Variants in FAM13A observed in about 807,000 individuals in gnomAD.
FAM13A encodes the protein protein FAM13A.
FAM13A carries 76 observed loss-of-function variants against 129.6 expected under a neutral mutation model. That is an observed-to-expected ratio of 0.59 (90% CI 0.49 to 0.71). The LOEUF is 0.71. Among genes scored for constraint, FAM13A ranks in the 30% least tolerant of loss-of-function variants. The pLI, the probability that FAM13A is intolerant of heterozygous loss-of-function variation, is 0.00. For missense variants in FAM13A, 1,108 were observed against 1,249.3 expected, an observed-to-expected ratio of 0.89 and a Z score of 1.70; for synonymous variants, 443 against 449.9, an observed-to-expected ratio of 0.98 and a Z score of 0.20.
At chr4:88,947,760 AATAGAAT>A (rs1344919534) in intron 4 of FAM13A, among the ~76,000 whole-genome samples, 3 of 151,946 alleles carry the variant, frequency 2.0e-5, no homozygotes, top group Non-Finnish European at 4.4e-5. Flanking sequence ...ACTGCCTGAT[AATAGAAT>A]CCCAAATGCA....
intron 5 of FAM13A, among the ~76,000 whole-genome samples, chr4:88,913,233 AAG>A (rs1749435008): frequency 7.5e-6 from 1 of 133,620 alleles, no homozygotes; most frequent in Non-Finnish European, 1.6e-5. Flanking sequence ...GAAGAGGAAG[AAG>A]AGGAGGAGGA....
chr4:88,866,383 T>C lies in FAM13A; in HGVS notation c.844-15200A>G, dbSNP rs181905858. Reference sequence around the variant, plus strand: ...TTTTAGTAGAGACAGGGTTTTGCCATGTTGGCCAGGCTGGTCTAGAACTCC... The same window carrying C: ...TTTTAGTAGAGACAGGGTTTTGCCACGTTGGCCAGGCTGGTCTAGAACTCC... On this transcript the variant is annotated intron_variant, in intron 6 of 23. Coordinates refer to ENST00000264344, the MANE Select transcript of FAM13A (RefSeq NM_014883.4). Among the ~76,000 whole-genome samples, 1,099 of 151,944 alleles carry C rather than the reference T, an allele frequency of 7.2e-3. 7 individuals carry two copies. Among genetic ancestry groups the C allele is most frequent in the Non-Finnish European group, 0.012 (808 of 67,964 alleles).
At chr4:89,056,109 A>G (rs538857172) in intron 1 of FAM13A, among the ~76,000 whole-genome samples, 1 of 152,342 alleles carries the variant, frequency 6.6e-6, no homozygotes, top group East Asian at 1.9e-4. Flanking sequence ...AATACATTCT[A>G]GAAAATAAAA....
Position 88,991,031 on chromosome 4 carries a change from CAT to C in FAM13A, c.545_546del (p.His182ArgfsTer26), listed in dbSNP as rs1762866516. Reference protein sequence around the residue: ...CQFLTKVAKHHVQNRMNVHNL... With the variant: ...CQFLTKVAKHXVQNRMNVHNL... Reference sequence around the variant, plus strand: ...TTGTGAACATTCATGCGATTCTGCACATGATGCTTGGCTACTTTTGTCAAGAA... The same window carrying C: ...TTGTGAACATTCATGCGATTCTGCACGATGCTTGGCTACTTTTGTCAAGAA... On this transcript the variant is annotated frameshift_variant, in exon 4 of 24. Transcript: ENST00000264344. LOFTEE classifies it high-confidence loss of function. 6.2e-7 allele frequency: 1 copy of C among 1,614,048 alleles called. No individual in the cohort carries two copies. Among genetic ancestry groups the C allele is most frequent in the African/African-American group, 1.3e-5 (1 of 74,918 alleles).
intron 23 of FAM13A, chr4:88,730,158 CAA>C (rs1157245450): frequency 6.6e-6 from 1 of 152,262 alleles, no homozygotes; most frequent in Admixed American, 6.5e-5. Flanking sequence ...AAAGAGGACT[CAA>C]GAGAAACAAT....
intron 3 of FAM13A, among the ~76,000 whole-genome samples, chr4:89,008,709 A>G (rs1765374945): frequency 6.6e-6 from 1 of 152,204 alleles, no homozygotes; most frequent in Non-Finnish European, 1.5e-5. Flanking sequence ...AAATATTTGT[A>G]GGAATAGCTG....
chr4:89,025,297 G>A lies in FAM13A; in HGVS notation c.217+4163C>T, dbSNP rs1406652371. The stretch of plus-strand genomic sequence containing the variant: ...TTTTGAGACGGAGTCTCGCTCTGTC[G>A]CCCAGGCCGGACTGCGGACTGCAGT... On this transcript the variant is annotated intron_variant, in intron 2 of 23. Transcript: ENST00000264344. Among the ~76,000 whole-genome samples the A allele has an allele frequency of 5.0e-5, 6 of 120,914 alleles. No homozygotes were observed. The East Asian group carries it at 6.8e-4, about 14-fold the overall frequency. The allele number at this position is 120,914 out of a possible 152,430, so 79.3% of individuals were successfully genotyped here.
intron 4 of FAM13A, among the ~76,000 whole-genome samples, chr4:88,945,990 G>GTATGTATATA (rs1553901196): frequency 3.2e-5 from 2 of 61,962 alleles, no homozygotes; most frequent in Non-Finnish European, 5.8e-5. Context: ...GTGTGTGTGT[G>GTATGTATATA]TATATATATA....
At chr4:88,992,627 A>C (rs1425885718) in intron 3 of FAM13A, among the ~76,000 whole-genome samples, 2 of 152,166 alleles carry the variant, frequency 1.3e-5, no homozygotes, top group Non-Finnish European at 2.9e-5. Context: ...CCCAGCATAC[A>C]CCCCAAAATG....
At chr4:88,797,035 T>C (rs1285473432) in intron 8 of FAM13A, among the ~76,000 whole-genome samples, 1 of 152,120 alleles carries the variant, frequency 6.6e-6, no homozygotes, top group Non-Finnish European at 1.5e-5. Context: ...GCTTCTATTT[T>C]CCTGTTTATG....
intron 4 of FAM13A, among the ~76,000 whole-genome samples, chr4:88,976,668 G>GTACAGTGTTTATAAAATT (rs147022152): frequency 6.6e-6 from 1 of 150,538 alleles, no homozygotes; most frequent in Non-Finnish European, 1.5e-5. Context: ...TAGCCTAAGT[G>GTACAGTGTTTATAAAATT]TACAGTAGTG....
intron 6 of FAM13A, among the ~76,000 whole-genome samples, chr4:88,853,441 C>T (rs1163516271): frequency 6.6e-6 from 1 of 151,940 alleles, no homozygotes; most frequent in African/African-American, 2.4e-5. Flanking sequence ...AAAATATACG[C>T]TGTTATATAT....
At chr4:88,786,215 A>C (rs1340214945) in intron 10 of FAM13A, among the ~76,000 whole-genome samples, 1 of 152,054 alleles carries the variant, frequency 6.6e-6, no homozygotes, top group Non-Finnish European at 1.5e-5. Context: ...CACCAACAGC[A>C]CCATCACTCT....
intron 14 of FAM13A, among the ~76,000 whole-genome samples, chr4:88,756,613 T>G (rs1333884788): frequency 6.6e-6 from 1 of 152,308 alleles, no homozygotes; most frequent in East Asian, 1.9e-4. Context: ...ATTATGACTT[T>G]CGTTTACATA....
chr4:88,751,540 A>G (rs547411755), intron 14 of FAM13A, among the ~76,000 whole-genome samples: 2 of 152,242 alleles, frequency 1.3e-5, no homozygotes, highest in East Asian at 3.9e-4. Context: ...ATGCATACAT[A>G]AATTAGCCAA....
At chr4:89,026,069 T>TTA (rs1245772196) in intron 2 of FAM13A, among the ~76,000 whole-genome samples, 1 of 152,244 alleles carries the variant, frequency 6.6e-6, no homozygotes, top group Non-Finnish European at 1.5e-5. Context: ...AGAACGTTGA[T>TTA]TATGCCATAA....
intron 3 of FAM13A, among the ~76,000 whole-genome samples, chr4:89,019,661 T>C (rs1766974919): frequency 6.7e-6 from 1 of 149,048 alleles, no homozygotes; most frequent in Non-Finnish European, 1.5e-5. Context: ...CTCAGGAGGC[T>C]GAGGTAGAAG....
chr4:88,769,936 T>C (rs1449063364), intron 11 of FAM13A, among the ~76,000 whole-genome samples: 1 of 152,156 alleles, frequency 6.6e-6, no homozygotes, highest in Non-Finnish European at 1.5e-5. Context: ...TCTGAAGCTA[T>C]AATATCTCCA....
intron 7 of FAM13A, among the ~76,000 whole-genome samples, chr4:88,818,321 C>A (rs1490343883): frequency 1.3e-5 from 2 of 151,962 alleles, no homozygotes; most frequent in Non-Finnish European, 2.9e-5. Context: ...TTCTTTAACT[C>A]CAAAATCTCC....
Sources: allele counts gnomAD v4.1 joint callset (sites outside exome capture counted in the v4.1 genomes callset), GRCh38; gene constraint gnomAD v4.1.1; transcripts MANE v1.5; gene names NCBI Gene and HGNC (gene_info 2026-07-23, HGNC 2026-07-21).